KALRN: variants seen among roughly 807,000 people sequenced by gnomAD.
KALRN encodes kalirin.
KALRN carries 70 observed loss-of-function variants against 353.7 expected under a neutral mutation model. That is an observed-to-expected ratio of 0.20 (90% confidence interval 0.16 to 0.24). KALRN has a LOEUF of 0.24. Among genes scored for constraint, KALRN ranks in the 10% least tolerant of loss-of-function variants. KALRN has a pLI of 1.00. For missense variants in KALRN, 2,791 were observed against 3,756.7 expected (o/e 0.74, Z 6.72); for synonymous variants, 1,391 against 1,434.8 (o/e 0.97, Z 0.69).
intron 1 of KALRN, among the ~76,000 whole-genome samples, chr3:124,167,170 G>C (rs2071001748): frequency 6.6e-6 from 1 of 152,182 alleles, no homozygotes; most frequent in African/African-American, 2.4e-5. Flanking sequence ...GGCTCTGCCT[G>C]AGCGACTGGG....
chr3:124,334,192 G>C lies in KALRN; in HGVS notation c.1417-73G>C. 7.6e-7 allele frequency: 1 copy of C among 1,316,226 alleles called. No homozygotes were observed. Among genetic ancestry groups the C allele is most frequent in the Non-Finnish European group, 1.1e-6 (1 of 916,172 alleles). 81.5% of individuals were successfully genotyped at this position (1,316,226 alleles called of 1,614,324 possible). The stretch of plus-strand genomic sequence containing the variant: ...AGGCCTAGTCAGGGACCCTCAGGCA[G>C]ACACTTCCTGCTTCTCTCTGTGCCC... On this transcript the variant is annotated intron_variant, in intron 8 of 59. Transcript: ENST00000682506. This position sits in a 1 kb window ranked among gnomAD's most constrained non-coding sequence, Gnocchi z 4.2.
chr3:124,697,511 T>C, intron 54 of KALRN, 82 bp from the exon 55 acceptor site: 1 of 1,372,772 alleles, frequency 7.3e-7, no homozygotes, highest in Non-Finnish European at 9.7e-7. Context: ...GGTTAGGTAA[T>C]GTTTCCTAGA....
chr3:124,289,341 A>C (rs2076226078), intron 5 of KALRN, among the ~76,000 whole-genome samples: 1 of 152,218 alleles, frequency 6.6e-6, no homozygotes, highest in Non-Finnish European at 1.5e-5. Context: ...TAGATAGTCC[A>C]GGATTTAAGT....
At chr3:124,419,715 A>G (rs1442072264) in intron 14 of KALRN, among the ~76,000 whole-genome samples, 1 of 152,162 alleles carries the variant, frequency 6.6e-6, no homozygotes, top group Non-Finnish European at 1.5e-5. Context: ...AAGTGTTCTG[A>G]TTGGAGTATG....
chr3:124,667,068 C>T lies in KALRN; in HGVS notation c.6588C>T (p.Leu2196=). The part of the protein sequence containing the change: ...NVDNDPCKFA[L]MNRETSERVV... ...ACAATGATCCCTGCAAGTTTGCACTCATGAACAGAGAGACTTCTGAGAGGG... is the reference window on the plus strand; with the variant it reads ...ACAATGATCCCTGCAAGTTTGCACTTATGAACAGAGAGACTTCTGAGAGGG... Residue 2196 remains leucine (L), a synonymous_variant, in exon 47 of 60, where the codon CTC becomes CTT. Coordinates refer to ENST00000682506, the MANE Select transcript of KALRN (RefSeq NM_001388419.1). 6.2e-7 allele frequency: 1 copy of T among 1,614,196 alleles called. No homozygotes were observed. The highest frequency in any genetic ancestry group is 1.7e-5 in the Admixed American group (1 of 60,024).
At chr3:124,645,632 C>G (rs1047216527) in intron 37 of KALRN, among the ~76,000 whole-genome samples, 1 of 93,944 alleles carries the variant, frequency 1.1e-5, no homozygotes, top group African/African-American at 4.3e-5. Flanking sequence ...ATATTTCTCT[C>G]TCTCTCTCTC....
chr3:124,347,290 G>A, intron 10 of KALRN, 25 bp downstream of exon 10: 1 of 1,371,190 alleles, frequency 7.3e-7, no homozygotes, highest in Non-Finnish European at 1.0e-6. Context: ...GTGTGTGTGT[G>A]TGTGTGTGTG....
chr3:124,495,986 T>TATATATATATAC (rs2063746248), intron 32 of KALRN, among the ~76,000 whole-genome samples: 2 of 52,796 alleles, frequency 3.8e-5, no homozygotes, highest in African/African-American at 1.7e-4. Flanking sequence ...TATATATATA[T>TATATATATATAC]ATATATATAT....
chr3:124,600,043 C>G (rs1374964503), intron 34 of KALRN, among the ~76,000 whole-genome samples: 1 of 152,208 alleles, frequency 6.6e-6, no homozygotes, highest in Non-Finnish European at 1.5e-5. Flanking sequence ...CAGAACTGAA[C>G]TGTTCTCAGT....
At chr3:124,564,430 T>G (rs563238437) in intron 34 of KALRN, among the ~76,000 whole-genome samples, 177 of 152,176 alleles carry the variant, frequency 1.2e-3, no homozygotes, top group African/African-American at 4.1e-3. Flanking sequence ...GGCTCACACC[T>G]GTAATCCCAA....
At chr3:124,122,596 A>G (rs1359610071) in intron 1 of KALRN, among the ~76,000 whole-genome samples, 1 of 152,090 alleles carries the variant, frequency 6.6e-6, no homozygotes, top group Non-Finnish European at 1.5e-5. Context: ...TTATTATTAT[A>G]TCTATTATGG....
intron 1 of KALRN, chr3:124,164,124 T>C (rs1399623196): frequency 2.2e-5 from 6 of 272,026 alleles, no homozygotes; most frequent in African/African-American, 4.6e-5. Flanking sequence ...TTCAGATTAA[T>C]TTAGGCGGCA....
intron 1 of KALRN, among the ~76,000 whole-genome samples, chr3:124,099,599 A>G (rs2061697336): frequency 6.6e-6 from 1 of 152,134 alleles, no homozygotes; most frequent in Non-Finnish European, 1.5e-5. Context: ...GCTGGATTGT[A>G]TAGTAGTTCT....
At chr3:124,254,194 T>C (rs576748886) in intron 3 of KALRN, among the ~76,000 whole-genome samples, 1 of 152,252 alleles carries the variant, frequency 6.6e-6, no homozygotes, top group South Asian at 2.1e-4. Flanking sequence ...AGGGAGGATT[T>C]TTCTTCCTGT....
chr3:124,719,556 C>A lies in KALRN; in HGVS notation c.*86C>A. On this transcript the variant is annotated 3_prime_UTR_variant, in exon 60 of 60. Transcript: ENST00000682506. This position sits in a 1 kb window ranked among gnomAD's most constrained non-coding sequence, Gnocchi z 5.3. ...TGTGACTGTAAATAATTCTGTTCAT[C>A]ATTTCACTCCGTGCAGTTCTCTGAA... 1.6e-6 allele frequency: 2 copies of A among 1,263,944 alleles called. No individual in the cohort carries two copies. Among genetic ancestry groups the A allele is most frequent in the Non-Finnish European group, 1.1e-6 (1 of 908,176 alleles). The allele number at this position is 1,263,944 out of a possible 1,614,324, so 78.3% of individuals were successfully genotyped here. A position where few individuals can be genotyped will look rare whatever the true frequency, so the allele number is the denominator to read the frequency against.
intron 27 of KALRN, among the ~76,000 whole-genome samples, chr3:124,477,748 C>T (rs1339828027): frequency 6.6e-6 from 1 of 152,184 alleles, no homozygotes; most frequent in Non-Finnish European, 1.5e-5. Context: ...GGGAGCCCAA[C>T]AACCTGAGTT....
At chr3:124,637,149 G>A (rs2081438910) in intron 36 of KALRN, 59 bp from the exon 37 acceptor site, 4 of 1,342,776 alleles carry the variant, frequency 3.0e-6, no homozygotes, top group Non-Finnish European at 4.3e-6. Flanking sequence ...TTTATTTCCT[G>A]ATCACTGTTC....
At chr3:124,229,237 G>C (rs889139715) in intron 2 of KALRN, among the ~76,000 whole-genome samples, 1 of 152,138 alleles carries the variant, frequency 6.6e-6, no homozygotes, top group Non-Finnish European at 1.5e-5. Context: ...GAAAAAGTCC[G>C]GTGACCCCTG....
At chr3:124,198,566 G>C (rs1430966429) in intron 1 of KALRN, among the ~76,000 whole-genome samples, 1 of 152,184 alleles carries the variant, frequency 6.6e-6, no homozygotes, top group Non-Finnish European at 1.5e-5. Context: ...TGAGCTACCA[G>C]GGGCTTCTCC....
Sources: gnomAD v4.1 joint callset for allele counts (sites outside exome capture counted in the v4.1 genomes callset) on GRCh38, gnomAD v4.1.1 for gene constraint, Gnocchi (gnomAD v3.1) non-coding constraint, MANE v1.5 for transcripts, NCBI Gene and HGNC (gene_info 2026-07-23, HGNC 2026-07-21) for gene names.